UCP1: variants seen among roughly 807,000 people sequenced by gnomAD.
The protein encoded by UCP1 is mitochondrial brown fat uncoupling protein 1.
Under a neutral mutation model 26.2 loss-of-function variants are expected in UCP1, and 24 were observed. That is an observed-to-expected ratio of 0.92 (90% CI 0.66 to 1.29). The LOEUF (loss-of-function observed/expected upper bound fraction) is 1.29. UCP1 is among the 50% of genes most tolerant of loss of function. The probability of loss-of-function intolerance (pLI) is 0.00; values close to 1 mark genes in which losing one functional copy is unlikely to be tolerated. For synonymous variants in UCP1, 164 were observed against 156.8 expected (o/e 1.05, Z -0.34); for missense variants, 402 against 388.7 (o/e 1.03, Z -0.29).
At chr4:140,561,776 AT>A (rs1195417512) in intron 5 of UCP1, among the ~76,000 whole-genome samples, 2 of 152,176 alleles carry the variant, frequency 1.3e-5, no homozygotes, top group Admixed American at 1.3e-4. Context: ...ACTTTTCTAG[AT>A]TGGTGGTGAT....
intron 5 of UCP1, among the ~76,000 whole-genome samples, 179 bp from the exon 6 acceptor site, chr4:140,560,189 G>A (rs902859927): frequency 6.6e-6 from 1 of 151,956 alleles, no homozygotes; most frequent in Admixed American, 6.6e-5. Flanking sequence ...GAGTAACTGG[G>A]ACTAGAGACT....
chr4:140,563,263 GC>G (rs1735721007), intron 3 of UCP1, 52 bp from the exon 4 acceptor site: 1 of 1,610,948 alleles, frequency 6.2e-7, no homozygotes, highest in Non-Finnish European at 8.5e-7. Context: ...ACAATAAGTT[GC>G]TAGTTGTATG....
Position 140,568,842 on chromosome 4 carries a change from TTTTTTG to T in UCP1, c.-119_-114del. On this transcript the variant is annotated 5_prime_UTR_variant, in exon 1 of 6. Coordinates refer to ENST00000262999, the MANE Select transcript of UCP1 (RefSeq NM_021833.5). ...CGCCGGGCAGCAAACCCGATTTCTG[TTTTTTG>T]AACCGACCGCCGGGCAGCGGCGGTG... 6.7e-7 allele frequency: 1 copy of T among 1,502,152 alleles called. No individual in the cohort carries two copies. The highest frequency in any genetic ancestry group is 8.9e-7 in the Non-Finnish European group (1 of 1,119,954). The allele number at this position is 1,502,152 out of a possible 1,614,324, so 93.1% of individuals were successfully genotyped here. A position where few individuals can be genotyped will look rare whatever the true frequency, so the allele number is the denominator to read the frequency against.
chr4:140,560,094 C>A, intron 5 of UCP1, 84 bp from the exon 6 acceptor site: 1 of 1,174,012 alleles, frequency 8.5e-7, no homozygotes, highest in Non-Finnish European at 1.2e-6. Flanking sequence ...ACCCTGCCGC[C>A]CAGGCTGGAA....
chr4:140,560,049 ATTT>A (rs371463243), intron 5 of UCP1, 39 bp from the exon 6 acceptor site: 15 of 1,256,142 alleles, frequency 1.2e-5, no homozygotes, highest in Non-Finnish European at 1.6e-5. Context: ...AATTTGTTTG[ATTT>A]TTTTTTTTTT....
At position 140,568,802 on chromosome 4, in the gene UCP1, C is replaced by T; in HGVS notation, c.-73G>A. ...AGGTGGAGGAAGTTCCTTTCCCTTG[C>T]TCTTCACGCCTGTCCGCCGGGCAGC... is the stretch of plus-strand genomic sequence containing the variant. On this transcript the variant is annotated 5_prime_UTR_variant, in exon 1 of 6. Coordinates refer to ENST00000262999, the MANE Select transcript of UCP1 (RefSeq NM_021833.5). 1 of 1,533,766 alleles carries T rather than the reference C, an allele frequency of 6.5e-7. No individual in the cohort carries two copies. Among genetic ancestry groups the T allele is most frequent in the Non-Finnish European group, 8.7e-7 (1 of 1,143,882 alleles).
Position 140,568,705 on chromosome 4 carries a change from C to T in UCP1, c.25G>A (p.Val9Ile). MGGLTASD[V>I]HPTLGVQLFS... ...AGCTGGACCCCCAGGGTCGGGTGTACGTCCGAGGCTGTCAGGCCCCCCATC... is the reference window on the plus strand; with the variant it reads ...AGCTGGACCCCCAGGGTCGGGTGTATGTCCGAGGCTGTCAGGCCCCCCATC... Residue 9 changes from valine to isoleucine, a missense_variant, in exon 1 of 6, where the codon GTA becomes ATA. By Grantham distance (29) the Val-to-Ile change is conservative. Transcript: ENST00000262999. The T allele has an allele frequency of 6.2e-7, 1 of 1,600,522 alleles. No homozygotes were observed. The highest frequency in any genetic ancestry group is 1.1e-5 in the South Asian group (1 of 88,550).
intron 1 of UCP1, 121 bp from the exon 2 acceptor site, chr4:140,568,098 C>G (rs1423047213): frequency 1.0e-6 from 1 of 960,678 alleles, no homozygotes; most frequent in African/African-American, 1.7e-5. Context: ...TTCCATCCAC[C>G]TCCCTCTACC....
chr4:140,567,429 G>A (rs527512114), intron 2 of UCP1, among the ~76,000 whole-genome samples: 1 of 152,130 alleles, frequency 6.6e-6, no homozygotes, highest in Admixed American at 6.5e-5. Flanking sequence ...GGTAGTCCTC[G>A]TTTGGATTTC....
intron 1 of UCP1, 110 bp downstream of exon 1, chr4:140,568,494 C>T (rs1044213917): frequency 2.6e-6 from 4 of 1,549,608 alleles, no homozygotes; most frequent in Non-Finnish European, 3.5e-6. Context: ...TGGAAGGTCA[C>T]CTACCCTACC....
intron 2 of UCP1, 93 bp from the exon 3 acceptor site, chr4:140,563,611 A>T (rs1198852863): frequency 6.5e-5 from 66 of 1,014,066 alleles, no homozygotes; most frequent in Middle Eastern, 5.9e-4. Context: ...ATATTTTTGT[A>T]TTTTTTTTTT....
At chr4:140,565,907 A>G (rs1333864069) in intron 2 of UCP1, among the ~76,000 whole-genome samples, 2 of 151,736 alleles carry the variant, frequency 1.3e-5, no homozygotes, top group African/African-American at 4.8e-5. Context: ...GAGCTGAAAA[A>G]TTCCTATCAC....
At chr4:140,563,043 G>T (rs1735712756) in intron 4 of UCP1, 67 bp downstream of exon 4, 1 of 1,212,396 alleles carries the variant, frequency 8.2e-7, no homozygotes, top group Non-Finnish European at 1.2e-6. Flanking sequence ...GTATAAGGTG[G>T]CTGCAGAAGC....
chr4:140,568,156 T>TGTGTGTGTGTGTGTGTGTGTGTGTGTGTG (rs1735846776), intron 1 of UCP1, among the ~76,000 whole-genome samples, 179 bp from the exon 2 acceptor site: 1 of 122,742 alleles, frequency 8.1e-6, no homozygotes, highest in East Asian at 2.5e-4. Flanking sequence ...TGTGTGTGTG[T>TGTGTGTGTGTGTGTGTGTGTGTGTGTGTG]TCGCTCACGC....
rs757220467 is a variant in UCP1 at position 140,563,108 on chromosome 4, AC to A, written c.628+1del. ...TGTTTGTTATATGAAATGGGAAGTT[AC>A]CTGCTAATATGTTGTTTTTCACAAA... On this transcript the variant is annotated splice_donor_variant, in intron 4 of 5. Transcript: ENST00000262999. LOFTEE classifies it high-confidence loss of function. 1 of 1,611,632 alleles carries A rather than the reference AC, an allele frequency of 6.2e-7. No individual in the cohort carries two copies. The highest frequency in any genetic ancestry group is 1.3e-5 in the African/African-American group (1 of 74,872).
At chr4:140,567,641 G>A (rs7688743) in intron 2 of UCP1, 138 bp downstream of exon 2, 232,508 of 1,136,476 alleles carry the variant, frequency 0.2, 25,067 homozygotes, top group Admixed American at 0.33. Flanking sequence ...ATGAGCTAAT[G>A]TTTGGGGAAG....
chr4:140,563,210 C>T lies in UCP1; in HGVS notation c.528G>A (p.Gly176=), dbSNP rs1245208726. 6.2e-7 allele frequency: 1 copy of T among 1,612,088 alleles called. No homozygotes were observed. Among genetic ancestry groups the T allele is most frequent in the Admixed American group, 1.7e-5 (1 of 59,936 alleles). ...TTEGLTGLWK[G]TTPNLMRSVI... ...CACTTCTCATCAGATTGGGAGTAGT[C>T]CCTGGGGAAAAAAAAAAAGAAAATG... The change falls in exon 4 of 6, where the codon GGG becomes GGA. Residue 176 remains glycine (G), a splice_region_variant and synonymous_variant. Transcript: ENST00000262999.
intron 2 of UCP1, among the ~76,000 whole-genome samples, chr4:140,566,737 C>A (rs529933317): frequency 6.6e-6 from 1 of 152,332 alleles, no homozygotes; most frequent in South Asian, 2.1e-4. Flanking sequence ...TCTGGCTTGT[C>A]TACTCCACAT....
rs142145526 is a variant in UCP1 at position 140,560,031 on chromosome 4, G to A, written c.810-21C>T. Reference sequence around the variant, plus strand: ...CCAACCTAGAAAAGTGCATGTCATCGTTCGATTAATTTGTTTGATTTTTTT... The same window carrying A: ...CCAACCTAGAAAAGTGCATGTCATCATTCGATTAATTTGTTTGATTTTTTT... On this transcript the variant is annotated intron_variant, in intron 5 of 5. Coordinates refer to ENST00000262999, the MANE Select transcript of UCP1 (RefSeq NM_021833.5). 10 of 1,583,796 alleles carry A rather than the reference G, an allele frequency of 6.3e-6. No homozygotes were observed. In the African/African-American group the frequency reaches 6.7e-5, roughly 11 times the overall value.
Sources: allele counts gnomAD v4.1 joint callset (sites outside exome capture counted in the v4.1 genomes callset), GRCh38; gene constraint gnomAD v4.1.1; transcripts MANE v1.5; gene names NCBI Gene and HGNC (gene_info 2026-07-23, HGNC 2026-07-21).